The following NCOR2 variants were observed in gnomAD, a reference collection of about 807,000 sequenced individuals.
NCOR2 encodes nuclear receptor corepressor 2.
A neutral mutation model predicts 262.9 loss-of-function variants in NCOR2; 81 were observed. That is an observed-to-expected ratio of 0.31 (90% CI 0.26 to 0.37). The LOEUF is 0.37. Among genes scored for constraint, NCOR2 ranks in the 10% least tolerant of loss-of-function variants. NCOR2 has a pLI of 1.00. For synonymous variants in NCOR2, 1,659 were observed against 1,559.3 expected (o/e 1.06, Z -1.51); for missense variants, 3,385 against 3,621.4 (o/e 0.93, Z 1.68).
chr12:124,418,985 C>T (rs1396555525), intron 13 of NCOR2, among the ~76,000 whole-genome samples: 1 of 152,124 alleles, frequency 6.6e-6, no homozygotes, highest in Non-Finnish European at 1.5e-5. Flanking sequence ...GAAGGAAATG[C>T]CTCGACCGAC....
intron 13 of NCOR2, among the ~76,000 whole-genome samples, chr12:124,417,693 C>T (rs1282660203): frequency 6.6e-6 from 1 of 152,244 alleles, no homozygotes; most frequent in Non-Finnish European, 1.5e-5. Flanking sequence ...ACCTCAGCAT[C>T]TATATACTCC....
chr12:124,430,848 C>A lies in NCOR2; in HGVS notation c.883-61G>T. 3.3e-6 allele frequency: 5 copies of A among 1,537,490 alleles called. No individual in the cohort carries two copies. In the South Asian group the frequency reaches 4.9e-5, roughly 15 times the overall value. The stretch of plus-strand genomic sequence containing the variant: ...CTGCACCTGGCACCCGCCGCCTCCC[C>A]CCTGCCCACTCACATGCAGGCAGAC... On this transcript the variant is annotated intron_variant, in intron 8 of 46. Coordinates refer to ENST00000405201, the Ensembl canonical transcript of NCOR2.
At position 124,523,492 on chromosome 12, in the gene NCOR2, C is replaced by G. The variant is rs1453963636; in HGVS notation, c.-118+12073G>C. ...CACGCCGGCCAGCATCACCCAAGCTCTCAGTGTGCCAGGGTCAGTGGGCTT... is the reference window on the plus strand; with the variant it reads ...CACGCCGGCCAGCATCACCCAAGCTGTCAGTGTGCCAGGGTCAGTGGGCTT... On this transcript the variant is annotated intron_variant, in intron 1 of 46. Transcript: ENST00000404621. This position sits in a 1 kb window ranked among gnomAD's most constrained non-coding sequence, Gnocchi z 4.0. Among the ~76,000 whole-genome samples the G allele has an allele frequency of 2.0e-5, 3 of 152,198 alleles. No individual in the cohort carries two copies.
At chr12:124,550,610 A>G (rs1442322498) in intron 1 of NCOR2, among the ~76,000 whole-genome samples, 1 of 152,164 alleles carries the variant, frequency 6.6e-6, no homozygotes, top group African/African-American at 2.4e-5. Flanking sequence ...TGTATTTTTT[A>G]TGTGCAAGCT....
intron 27 of NCOR2, among the ~76,000 whole-genome samples, chr12:124,353,675 T>C (rs370899623): frequency 6.6e-6 from 1 of 152,240 alleles, no homozygotes; most frequent in African/African-American, 2.4e-5. Flanking sequence ...TGCTGTTCCC[T>C]GAGCCTAGAA....
rs900554130 is a variant in NCOR2, at chr12:124,523,956, G to C, written c.-118+11609C>G. Among the ~76,000 whole-genome samples, 1 of 152,198 alleles carries C rather than the reference G, an allele frequency of 6.6e-6. No individual in the cohort carries two copies. Among genetic ancestry groups the C allele is most frequent in the Non-Finnish European group, 1.5e-5 (1 of 68,036 alleles). On this transcript the variant is annotated intron_variant, in intron 1 of 46. Coordinates refer to the NCOR2 transcript ENST00000404621. This position sits in a 1 kb window ranked among gnomAD's most constrained non-coding sequence, Gnocchi z 4.0. ...GAATGTCAGGCCCCACTGGAGACAT[G>C]GTATTGTTCTCTGAGAAACTGCTGT...
At chr12:124,386,093 C>G (rs2136114391) in intron 16 of NCOR2, among the ~76,000 whole-genome samples, 1 of 152,250 alleles carries the variant, frequency 6.6e-6, no homozygotes, top group African/African-American at 2.4e-5. Context: ...GTCCTGGCCT[C>G]TGGGGTCTGG....
intron 3 of NCOR2, among the ~76,000 whole-genome samples, chr12:124,473,660 G>T (rs113464544): frequency 0.022 from 3,332 of 152,172 alleles, 59 homozygotes; most frequent in Middle Eastern, 0.051. Flanking sequence ...CTTTTTGCCT[G>T]CTGCCATCCA....
exon 45 of NCOR2, chr12:124,327,610 C>T (rs947254838): frequency 6.2e-7 from 1 of 1,610,722 alleles, no homozygotes; most frequent in Non-Finnish European, 8.5e-7. Flanking sequence ...TCCTGCACCG[C>T]CTGGCTTCTA....
intron 1 of NCOR2, among the ~76,000 whole-genome samples, chr12:124,512,479 G>A (rs576277800): frequency 3.5e-4 from 53 of 152,326 alleles, no homozygotes; most frequent in Non-Finnish European, 7.1e-4. Flanking sequence ...GGGTAACCCA[G>A]GATGAGCTCA....
At chr12:124,441,179 G>A (rs1476623599) in intron 7 of NCOR2, among the ~76,000 whole-genome samples, 2 of 152,212 alleles carry the variant, frequency 1.3e-5, no homozygotes, top group Non-Finnish European at 2.9e-5. Context: ...AAACCGCGCT[G>A]CCCGGGCCAT....
chr12:124,543,391 A>C (rs1039526353), intron 1 of NCOR2, among the ~76,000 whole-genome samples: 1 of 152,214 alleles, frequency 6.6e-6, no homozygotes, highest in Admixed American at 6.5e-5. Context: ...CTGCCAGGCC[A>C]CGTGCATCTC....
intron 1 of NCOR2, among the ~76,000 whole-genome samples, chr12:124,519,439 G>A (rs895365510): frequency 6.6e-6 from 1 of 152,168 alleles, no homozygotes; most frequent in African/African-American, 2.4e-5. Context: ...ACAAGGGTCT[G>A]GGGGTGCAGA....
At chr12:124,430,918 A>G in intron 8 of NCOR2, 131 bp from the exon 11 acceptor site, 2 of 1,076,904 alleles carry the variant, frequency 1.9e-6, no homozygotes, top group Non-Finnish European at 2.6e-6. Context: ...AGGCACACAC[A>G]TATACAGTCA....
intron 15 of NCOR2, among the ~76,000 whole-genome samples, chr12:124,399,161 C>T (rs1276864165): frequency 6.6e-6 from 1 of 152,060 alleles, no homozygotes; most frequent in Non-Finnish European, 1.5e-5. Context: ...GCAGCCCCAT[C>T]AGCCCCGACA....
exon 27 of NCOR2, chr12:124,354,140 G>A (rs1408213259): frequency 5.0e-6 from 8 of 1,610,172 alleles, no homozygotes; most frequent in South Asian, 2.2e-5. Context: ...GAGGGCACCC[G>A]TGTGCTGGGA....
Position 124,378,152 on chromosome 12 carries a change from G to T in NCOR2, c.2167+85C>A. 1 of 1,543,110 alleles carries T rather than the reference G, an allele frequency of 6.5e-7. No individual in the cohort carries two copies. ...ACCCAGATGACTCAGGGGAGAGGAG[G>T]CTGCCGGGATCAGTTCCCGCTATGC... is the stretch of plus-strand genomic sequence containing the variant. On this transcript the variant is annotated intron_variant, in intron 18 of 46. Transcript: ENST00000405201. The surrounding 1 kb of genome is among the most constrained non-coding windows in gnomAD (Gnocchi z 4.2).
rs2048869255 is a variant in NCOR2, at chr12:124,503,605, C to CGGACGGACGGATGGATGGATGGAT, written c.-117-8261_-117-8238dup. Among the ~76,000 whole-genome samples, 1 of 130,390 alleles carries CGGACGGACGGATGGATGGATGGAT rather than the reference C, an allele frequency of 7.7e-6. No individual in the cohort carries two copies. The highest frequency in any genetic ancestry group is 1.6e-5 in the Non-Finnish European group (1 of 63,662). 85.5% of individuals were successfully genotyped at this position (130,390 alleles called of 152,430 possible). On this transcript the variant is annotated intron_variant, in intron 1 of 46. Coordinates refer to the NCOR2 transcript ENST00000404621. The surrounding 1 kb of genome is among the most constrained non-coding windows in gnomAD (Gnocchi z 4.3). ...ACGGATGGACGGATGGATGGATGGA[C>CGGACGGACGGATGGATGGATGGAT]GGACGGACGGATGGATGGATGGATG...
rs1428143059 is a variant in NCOR2 at position 124,548,069 on chromosome 12, A to AG, written c.-164-12459dup. On this transcript the variant is annotated intron_variant, in intron 1 of 32. Coordinates refer to the NCOR2 transcript ENST00000458234. The surrounding 1 kb of genome is among the most constrained non-coding windows in gnomAD (Gnocchi z 5.1). ...GTGAAGGAGCCAGCTGGTGGGAGAG[A>AG]GGGGCCTGGGGTGCCCCAGGCCGGG... Among the ~76,000 whole-genome samples the AG allele has an allele frequency of 6.6e-6, 1 of 151,822 alleles. No homozygotes were observed. The highest frequency in any genetic ancestry group is 1.5e-5 in the Non-Finnish European group (1 of 67,928).
Sources: gnomAD v4.1 joint callset for allele counts (sites outside exome capture counted in the v4.1 genomes callset) on GRCh38, gnomAD v4.1.1 for gene constraint, Gnocchi (gnomAD v3.1) non-coding constraint, MANE v1.5 for transcripts, NCBI Gene and HGNC (gene_info 2026-07-23, HGNC 2026-07-21) for gene names.